Variants in TRIM37 observed in about 807,000 individuals in gnomAD.
TRIM37 encodes E3 ubiquitin-protein ligase TRIM37.
Under a neutral mutation model 129.8 loss-of-function variants are expected in TRIM37, and 80 were observed. The ratio of observed to expected loss-of-function variants is 0.62; its 90% CI spans 0.51 to 0.74. TRIM37 has a LOEUF of 0.74. Ranked by LOEUF, TRIM37 falls within the 30% of genes least tolerant of loss-of-function variation. The pLI is 0.00. For synonymous variants in TRIM37, 389 were observed against 387.1 expected (o/e 1.00, Z -0.06); for missense variants, 1,054 against 1,176.5 (o/e 0.90, Z 1.52).
chr17:59,058,055 GT>G (rs1419037939), intron 12 of TRIM37, among the ~76,000 whole-genome samples: 5 of 151,852 alleles, frequency 3.3e-5, no homozygotes, highest in African/African-American at 1.2e-4. Flanking sequence ...ATCCTTTGAG[GT>G]TTATCACCTT....
chr17:59,083,310 T>C (rs1254367526), intron 5 of TRIM37, among the ~76,000 whole-genome samples: 3 of 151,942 alleles, frequency 2.0e-5, no homozygotes, highest in East Asian at 3.9e-4. Context: ...TGGTGGCACA[T>C]GCCTGTAATC....
At chr17:58,982,574 C>T (rs908475908), downstream of TRIM37, 1 of 254,852 alleles carries the variant, frequency 3.9e-6, no homozygotes, top group Non-Finnish European at 7.6e-6. Flanking sequence ...ATTTTAAAGA[C>T]ACAGATGACT....
At position 59,043,257 on chromosome 17, in the gene TRIM37, T is replaced by C. The variant is rs1401197374; in HGVS notation, c.1668-1359A>G. On this transcript the variant is annotated intron_variant, in intron 16 of 23. Transcript: ENST00000262294. The stretch of plus-strand genomic sequence containing the variant: ...TCAAGATAAGCACCCAGCTTGACAA[T>C]GTAAGGAGCTCTGTAGGTCTGCTCT... Among the ~76,000 whole-genome samples the C allele has an allele frequency of 3.9e-5, 6 of 152,232 alleles. 1 individual carries two copies. Among genetic ancestry groups the C allele is most frequent in the Admixed American group, 1.3e-4 (2 of 15,282 alleles).
chr17:59,090,748 C>A (rs748643230), intron 3 of TRIM37, among the ~76,000 whole-genome samples: 1 of 152,100 alleles, frequency 6.6e-6, no homozygotes, highest in African/African-American at 2.4e-5. Context: ...GCTTCAGCCT[C>A]CTGAGTAGCT....
intron 24 of TRIM37, chr17:58,984,639 C>T (rs999494503): frequency 6.6e-6 from 1 of 152,596 alleles, no homozygotes; most frequent in African/African-American, 2.4e-5. Context: ...GCCCACTCTT[C>T]TATTCTGATC....
chr17:59,071,095 A>C, intron 8 of TRIM37, 148 bp from the exon 9 acceptor site: 1 of 900,252 alleles, frequency 1.1e-6, no homozygotes. Context: ...AGAATGTACA[A>C]AGAATCTAGG....
chr17:59,081,775 C>T (rs1465422205), intron 5 of TRIM37, among the ~76,000 whole-genome samples: 1 of 151,396 alleles, frequency 6.6e-6, no homozygotes, highest in African/African-American at 2.4e-5. Flanking sequence ...CGCATGTTGG[C>T]GCACACCTGT....
Position 59,106,576 on chromosome 17 carries a change from C to T in TRIM37, c.-115G>A. 7.6e-7 allele frequency: 1 copy of T among 1,313,804 alleles called. No individual in the cohort carries two copies. The highest frequency in any genetic ancestry group is 1.1e-6 in the Non-Finnish European group (1 of 931,250). 81.4% of individuals were successfully genotyped at this position (1,313,804 alleles called of 1,614,324 possible). Reference sequence around the variant, plus strand: ...GCCGATAAAAGCCCGGCGCCCACGTCAGGGGGCTCTGACAACCGCCCCACC... The same window carrying T: ...GCCGATAAAAGCCCGGCGCCCACGTTAGGGGGCTCTGACAACCGCCCCACC... On this transcript the variant is annotated 5_prime_UTR_variant, in exon 1 of 24. An upstream open reading frame in the 5' UTR loses its in-frame stop. Coordinates refer to ENST00000262294, the MANE Select transcript of TRIM37 (RefSeq NM_015294.6).
chr17:59,048,544 G>A (rs955735566), intron 15 of TRIM37, among the ~76,000 whole-genome samples: 2 of 152,116 alleles, frequency 1.3e-5, no homozygotes, highest in Admixed American at 6.6e-5. Context: ...GTCTACCTAC[G>A]TAAGTAATGA....
At chr17:58,997,759 G>C (rs1041322397), downstream of TRIM37, among the ~76,000 whole-genome samples, 1 of 152,096 alleles carries the variant, frequency 6.6e-6, no homozygotes, top group African/African-American at 2.4e-5. Flanking sequence ...GCTCTATCAG[G>C]GTACAGAAAG....
intron 17 of TRIM37, among the ~76,000 whole-genome samples, chr17:59,036,466 G>GTA (rs2038513441): frequency 6.6e-6 from 1 of 151,386 alleles, no homozygotes; most frequent in Non-Finnish European, 1.5e-5. Context: ...GTGTGTGTGT[G>GTA]TGTGTGTGTG....
In TRIM37 at chr17:59,028,400, G is replaced by T. The variant is rs373015858; in HGVS notation, c.2257+15C>A. The T allele has an allele frequency of 6.2e-6, 10 of 1,607,330 alleles. No individual in the cohort carries two copies. The highest frequency in any genetic ancestry group is 1.3e-5 in the African/African-American group (1 of 74,862). ...ATAACGTGTGGAGAAATGACACTGG[G>T]AACATATTACTTACAGTTTCGTATG... is the stretch of plus-strand genomic sequence containing the variant. On this transcript the variant is annotated intron_variant, in intron 19 of 23. Transcript: ENST00000262294.
At chr17:59,099,833 C>A (rs1338617268) in intron 2 of TRIM37, among the ~76,000 whole-genome samples, 1 of 152,090 alleles carries the variant, frequency 6.6e-6, no homozygotes, top group Non-Finnish European at 1.5e-5. Context: ...GACAGAGTTT[C>A]GCTCTTGTTG....
chr17:59,063,427 C>G lies in TRIM37; in HGVS notation c.861-779G>C, dbSNP rs547011433. Among the ~76,000 whole-genome samples the G allele has an allele frequency of 3.1e-4, 47 of 152,330 alleles. 1 individual carries two copies. The East Asian group carries it at 9.1e-3, about 29-fold the overall frequency. On this transcript the variant is annotated intron_variant, in intron 10 of 23. Transcript: ENST00000262294. ...CTCCTGACCTCGATGATCCACCCGC[C>G]TTGGCCTCCCAAAGTGCTGGGATTA... is the stretch of plus-strand genomic sequence containing the variant.
rs2046019068 is a variant in TRIM37, at chr17:59,106,528, G to GC, written c.-68dup. The GC allele has an allele frequency of 1.3e-6, 2 of 1,593,258 alleles. No individual in the cohort carries two copies. The highest frequency in any genetic ancestry group is 1.7e-6 in the Non-Finnish European group (2 of 1,166,238). ...CCGCAGTCTGACCTCTTAGGCGCCG[G>GC]CCCGAGGTCGCCAGATCAAATCGCC... On this transcript the variant is annotated 5_prime_UTR_variant, in exon 1 of 24. Transcript: ENST00000262294.
intron 4 of TRIM37, among the ~76,000 whole-genome samples, chr17:59,084,476 C>T (rs1277445984): frequency 6.6e-6 from 1 of 152,150 alleles, no homozygotes; most frequent in East Asian, 1.9e-4. Context: ...ACTTTTCCTA[C>T]ATGTGGTCAA....
At chr17:58,974,032 G>A in the TRIM37 span, among the ~76,000 whole-genome samples, 1 of 152,040 alleles carries the variant, frequency 6.6e-6, no homozygotes, top group Non-Finnish European at 1.5e-5. Context: ...GGAGGCTGAG[G>A]CGGAAGGATT....
intron 22 of TRIM37, among the ~76,000 whole-genome samples, chr17:59,003,688 C>G (rs1023108197): frequency 1.4e-4 from 20 of 147,828 alleles, no homozygotes; most frequent in African/African-American, 4.5e-4. Flanking sequence ...CAGGATACAA[C>G]CCCAAATTAT....
chr17:59,043,225 G>A (rs2039442420), intron 16 of TRIM37, among the ~76,000 whole-genome samples: 1 of 152,104 alleles, frequency 6.6e-6, no homozygotes, highest in South Asian at 2.1e-4. Flanking sequence ...GGGTATTTAA[G>A]GAAATCTCAA....
Sources: gnomAD v4.1 joint callset for allele counts (sites outside exome capture counted in the v4.1 genomes callset) on GRCh38, gnomAD v4.1.1 for gene constraint, MANE v1.5 for transcripts, NCBI Gene and HGNC (gene_info 2026-07-23, HGNC 2026-07-21) for gene names.